The following G3BP1 variants were observed in gnomAD, a reference collection of about 807,000 sequenced individuals.
G3BP1 encodes ras GTPase-activating protein-binding protein 1.
In G3BP1, 35 loss-of-function variants were observed where a neutral mutation model predicts 58.6. The ratio of observed to expected loss-of-function variants is 0.60; its 90% CI spans 0.46 to 0.79. G3BP1 has a LOEUF of 0.79. G3BP1 is among the 30% of genes least tolerant of loss of function. The probability of loss-of-function intolerance (pLI) is 0.00; values close to 1 mark genes in which losing one functional copy is unlikely to be tolerated. For missense variants in G3BP1, 523 were observed against 580.8 expected (o/e 0.90, Z 1.02); for synonymous variants, 191 against 195.4 (o/e 0.98, Z 0.19).
In G3BP1 at chr5:151,805,254, A is replaced by G. The variant is rs940312903; in HGVS notation, c.*1163A>G. ...TCTTAAAATCATAGCCATATGGTAA[A>G]TTTTCTATTTTGTTATGGTTCTCTT... On this transcript the variant is annotated 3_prime_UTR_variant, in exon 12 of 12. Coordinates refer to ENST00000356245, the MANE Select transcript of G3BP1 (RefSeq NM_005754.3). 3.9e-5 allele frequency: 6 copies of G among 152,116 alleles called. No homozygotes were observed. The highest frequency in any genetic ancestry group is 1.5e-4 in the African/African-American group (6 of 41,256). The allele number at this position is 152,116 out of a possible 1,614,324, so 9.4% of individuals were successfully genotyped here.
intron 1 of G3BP1, among the ~76,000 whole-genome samples, chr5:151,782,071 CAA>C (rs1352397123): frequency 6.6e-6 from 1 of 152,002 alleles, no homozygotes; most frequent in African/African-American, 2.4e-5. Context: ...CCAGGTGACA[CAA>C]GAGAGTGGGA....
At position 151,800,097 on chromosome 5, in the gene G3BP1, T is replaced by C. The variant is rs1455860886; in HGVS notation, c.955+97T>C. On this transcript the variant is annotated intron_variant, in intron 9 of 11. Coordinates refer to ENST00000356245, the MANE Select transcript of G3BP1 (RefSeq NM_005754.3). Reference sequence around the variant, plus strand: ...ATATTTATATACTTTAAAATAAAAATATTGTAGGGTTGATGGAATTACCTG... The same window carrying C: ...ATATTTATATACTTTAAAATAAAAACATTGTAGGGTTGATGGAATTACCTG... 3.2e-5 allele frequency: 38 copies of C among 1,177,570 alleles called. 1 individual carries two copies. Among genetic ancestry groups the C allele is most frequent in the Non-Finnish European group, 4.4e-5 (36 of 817,108 alleles). The allele number at this position is 1,177,570 out of a possible 1,614,324, so 72.9% of individuals were successfully genotyped here.
chr5:151,794,390 T>A (rs1013838721), intron 5 of G3BP1, 141 bp downstream of exon 5: 1 of 600,042 alleles, frequency 1.7e-6, no homozygotes, highest in African/African-American at 1.9e-5. Flanking sequence ...ATGAAGAGTC[T>A]GAGGTTTTAC....
In G3BP1 at chr5:151,804,536, G is replaced by A. The variant is rs113229184; in HGVS notation, c.*445G>A. ...GGATTTGATAATATTTTGAAGGCAG[G>A]AAAAACCCAAATTGTTTCTTCTTTG... On this transcript the variant is annotated 3_prime_UTR_variant, in exon 12 of 12. Transcript: ENST00000356245. 0.017 allele frequency: 2,594 copies of A among 153,086 alleles called. 25 individuals are homozygous for A. The highest frequency in any genetic ancestry group is 0.034 in the Middle Eastern group (10 of 294). 9.5% of individuals were successfully genotyped at this position (153,086 alleles called of 1,614,324 possible).
At position 151,800,312 on chromosome 5, in the gene G3BP1, A is replaced by G; in HGVS notation, c.1050A>G (p.Glu350=). 6.2e-7 allele frequency: 1 copy of G among 1,613,372 alleles called. No individual in the cohort carries two copies. Residue 350 remains glutamate (E), a synonymous_variant, in exon 10 of 12, where the codon GAA becomes GAG. Transcript: ENST00000356245. Reference sequence around the variant, plus strand: ...TCTTCATTGGCAACCTGCCTCATGAAGTGGACAAATCAGAGCTTAAAGATT... The same window carrying G: ...TCTTCATTGGCAACCTGCCTCATGAGGTGGACAAATCAGAGCTTAAAGATT... ...HQLFIGNLPH[E]VDKSELKDFF...
rs191578567 is a variant in G3BP1, at chr5:151,803,740, C to T, written c.1195-145C>T. ...TGAACTCCTGACCTCGTAATCCACC[C>T]GTCTCGGCCTCCCAAAGTGCTGGGA... On this transcript the variant is annotated intron_variant, in intron 11 of 11. Coordinates refer to ENST00000356245, the MANE Select transcript of G3BP1 (RefSeq NM_005754.3). 529 of 562,084 alleles carry T rather than the reference C, an allele frequency of 9.4e-4. 7 individuals are homozygous for T. In the East Asian group the frequency reaches 0.013, roughly 14 times the overall value. The allele number at this position is 562,084 out of a possible 1,614,324, so 34.8% of individuals were successfully genotyped here. A position where few individuals can be genotyped will look rare whatever the true frequency, so the allele number is the denominator to read the frequency against.
In G3BP1 at chr5:151,790,310, T is replaced by TC; in HGVS notation, c.96-10dup. 7.1e-7 allele frequency: 1 copy of TC among 1,408,306 alleles called. No homozygotes were observed. The highest frequency in any genetic ancestry group is 1.4e-5 in the African/African-American group (1 of 69,042). The allele number at this position is 1,408,306 out of a possible 1,614,324, so 87.2% of individuals were successfully genotyped here. Reference sequence around the variant, plus strand: ...CTTGAAGATGACAAGTAAATCATCTTCCCATTTTACAGATTTTATGGAAAG... The same window carrying TC: ...CTTGAAGATGACAAGTAAATCATCTTCCCCATTTTACAGATTTTATGGAAAG... On this transcript the variant is annotated splice_polypyrimidine_tract_variant and intron_variant, in intron 2 of 11. Coordinates refer to ENST00000356245, the MANE Select transcript of G3BP1 (RefSeq NM_005754.3).
At chr5:151,783,055 C>T (rs111717266) in intron 1 of G3BP1, among the ~76,000 whole-genome samples, 274 of 151,840 alleles carry the variant, frequency 1.8e-3, no homozygotes, top group Middle Eastern at 0.01. Flanking sequence ...GGCGGGGTTT[C>T]GCCATGTTGG....
intron 5 of G3BP1, 109 bp downstream of exon 5, chr5:151,794,358 C>T (rs1057236104): frequency 7.6e-6 from 5 of 657,046 alleles, no homozygotes; most frequent in Middle Eastern, 3.6e-4. Flanking sequence ...CTCTGTTCTT[C>T]ATTAATAACT....
intron 1 of G3BP1, among the ~76,000 whole-genome samples, 189 bp from the exon 2 acceptor site, chr5:151,786,383 C>T (rs1030759401): frequency 6.6e-6 from 1 of 152,188 alleles, no homozygotes; most frequent in African/African-American, 2.4e-5. Context: ...ATGAATTCTT[C>T]ATAATGATTT....
chr5:151,774,742 G>GC (rs1236464959), intron 1 of G3BP1, among the ~76,000 whole-genome samples: 4 of 150,512 alleles, frequency 2.7e-5, no homozygotes, highest in Admixed American at 2.0e-4. Context: ...AGCCTCGCCC[G>GC]CCCCCCAGTA....
intron 6 of G3BP1, 49 bp downstream of exon 6, chr5:151,795,624 G>A (rs1457016267): frequency 1.2e-6 from 1 of 855,584 alleles, no homozygotes; most frequent in Non-Finnish European, 1.9e-6. Flanking sequence ...AACTTGCATT[G>A]TCTAGTCTTT....
chr5:151,797,705 G>T (rs1561536596), intron 7 of G3BP1, among the ~76,000 whole-genome samples: 1 of 152,144 alleles, frequency 6.6e-6, no homozygotes, highest in Non-Finnish European at 1.5e-5. Flanking sequence ...CCCTATCAGT[G>T]ATTCCTTTTC....
chr5:151,810,091 T>G lies in G3BP1; in HGVS notation c.*6000T>G, dbSNP rs1418047601. The G allele has an allele frequency of 2.0e-5, 3 of 152,214 alleles. No homozygotes were observed. The highest frequency in any genetic ancestry group is 2.0e-4 in the Admixed American group (3 of 15,274). 9.4% of individuals were successfully genotyped at this position (152,214 alleles called of 1,614,324 possible). On this transcript the variant is annotated 3_prime_UTR_variant, in exon 12 of 12. Transcript: ENST00000356245. ...AAGCTCCTAGGGGGCAGCAATTTGG[T>G]CTTAGGCGTGTACCCTGTTTAGTGC...
At chr5:151,798,459 G>A (rs905355682) in intron 7 of G3BP1, among the ~76,000 whole-genome samples, 1 of 152,208 alleles carries the variant, frequency 6.6e-6, no homozygotes, top group Non-Finnish European at 1.5e-5. Context: ...TTGAATTAGA[G>A]TTGTGGCAGT....
At chr5:151,796,439 T>G (rs1762751339) in intron 6 of G3BP1, among the ~76,000 whole-genome samples, 1 of 152,148 alleles carries the variant, frequency 6.6e-6, no homozygotes, top group Non-Finnish European at 1.5e-5. Context: ...CGGCTAAGTT[T>G]TGTGTTTTTG....
At chr5:151,784,819 C>G (rs1762532069) in intron 1 of G3BP1, among the ~76,000 whole-genome samples, 1 of 152,016 alleles carries the variant, frequency 6.6e-6, no homozygotes, top group African/African-American at 2.4e-5. Context: ...TATTTATTTA[C>G]ATTAAAGGAG....
intron 4 of G3BP1, among the ~76,000 whole-genome samples, chr5:151,793,818 TC>T (rs1253808815): frequency 1.9e-5 from 2 of 106,010 alleles, no homozygotes; most frequent in Non-Finnish European, 3.8e-5. Context: ...TATAACAAGA[TC>T]CCGTCTCTAC....
chr5:151,784,904 CA>C, intron 1 of G3BP1, among the ~76,000 whole-genome samples: 1 of 152,194 alleles, frequency 6.6e-6, no homozygotes, highest in Non-Finnish European at 1.5e-5. Context: ...GTATTTGAGG[CA>C]AATCTAATGT....
Sources: allele counts gnomAD v4.1 joint callset (sites outside exome capture counted in the v4.1 genomes callset), GRCh38; gene constraint gnomAD v4.1.1; transcripts MANE v1.5; gene names NCBI Gene and HGNC (gene_info 2026-07-23, HGNC 2026-07-21).